The following ARID4A variants were observed in gnomAD, a reference collection of about 807,000 sequenced individuals.
ARID4A encodes AT-rich interaction domain 4A.
In ARID4A, 39 loss-of-function variants were observed where a neutral mutation model predicts 148.6. The observed-to-expected ratio is 0.26, with a 90% CI of 0.20 to 0.34. ARID4A has a LOEUF of 0.34. Ranked by LOEUF, ARID4A falls within the 10% of genes least tolerant of loss-of-function variation. The pLI is 1.00. For synonymous variants in ARID4A, 475 were observed against 481.2 expected, an observed-to-expected ratio of 0.99 and a Z score of 0.17; for missense variants, 1,265 against 1,449.1, an observed-to-expected ratio of 0.87 and a Z score of 2.06.
At chr14:58,370,873 A>G (rs1472407810) in intron 23 of ARID4A, among the ~76,000 whole-genome samples, 1 of 152,162 alleles carries the variant, frequency 6.6e-6, no homozygotes, top group Non-Finnish European at 1.5e-5. Flanking sequence ...GGCCTCCCAA[A>G]GTGCTGAGAT....
rs760373631 is a variant in ARID4A at position 58,364,731 on chromosome 14, T to A, written c.2642T>A (p.Val881Glu). Reference sequence around the variant, plus strand: ...AATGGAATGGAAATGACAAATACTGTATCTCAAGAAAGGACCAGTGATTGT... The same window carrying A: ...AATGGAATGGAAATGACAAATACTGAATCTCAAGAAAGGACCAGTGATTGT... ...IENGMEMTNT[V>E]SQERTSDCIG... The change falls in exon 20 of 24, where the codon GTA becomes GAA. Residue 881 changes from valine (V) to glutamate (E), a missense_variant. By Grantham distance (121) the Val-to-Glu change is moderately radical. Transcript: ENST00000355431. 5.0e-6 allele frequency: 8 copies of A among 1,613,898 alleles called. No individual in the cohort carries two copies. Among genetic ancestry groups the A allele is most frequent in the Non-Finnish European group, 6.8e-6 (8 of 1,179,938 alleles).
intron 9 of ARID4A, 120 bp from the exon 10 acceptor site, chr14:58,329,408 A>C: frequency 8.7e-6 from 6 of 688,068 alleles, no homozygotes; most frequent in Non-Finnish European, 1.5e-5. Flanking sequence ...TAAGATAAAA[A>C]CATTTTATAG....
chr14:58,362,918 A>G (rs2035196704), intron 19 of ARID4A, among the ~76,000 whole-genome samples: 1 of 152,164 alleles, frequency 6.6e-6, no homozygotes, highest in Non-Finnish European at 1.5e-5. Context: ...TCAAGAAAAA[A>G]GCTATACTGA....
intron 5 of ARID4A, among the ~76,000 whole-genome samples, chr14:58,310,354 C>A (rs1449262938): frequency 6.6e-6 from 1 of 151,974 alleles, no homozygotes; most frequent in Non-Finnish European, 1.5e-5. Flanking sequence ...GGAGACATAC[C>A]ACCTGATTTC....
chr14:58,331,944 T>C (rs535869910), intron 11 of ARID4A, among the ~76,000 whole-genome samples: 1 of 151,964 alleles, frequency 6.6e-6, no homozygotes, highest in East Asian at 1.9e-4. Flanking sequence ...TTAGTCCCTT[T>C]ATTTTTGCTA....
chr14:58,316,419 A>G (rs368209808), intron 5 of ARID4A, among the ~76,000 whole-genome samples: 3 of 152,202 alleles, frequency 2.0e-5, no homozygotes, highest in Non-Finnish European at 4.4e-5. Context: ...TTAATAAACT[A>G]TAAATGTTGG....
chr14:58,365,467 C>CTTTTTTTTTTTTTTTTTTTTTT (rs71107938), intron 20 of ARID4A, 51 bp from the exon 21 acceptor site: 2 of 349,158 alleles, frequency 5.7e-6, no homozygotes, highest in African/African-American at 3.6e-5. Flanking sequence ...TATACTTGCT[C>CTTTTTTTTTTTTTTTTTTTTTT]TTTTTTTTTT....
rs777132582 is a variant in ARID4A at position 58,347,607 on chromosome 14, A to G, written c.1173-40A>G. ...ATAACATGAATTCAAGTTAGATGCA[A>G]AGACTGTAAGATTTCTTAAATGAAA... On this transcript the variant is annotated intron_variant, in intron 14 of 23. Coordinates refer to ENST00000355431, the MANE Select transcript of ARID4A (RefSeq NM_002892.4). 3.5e-6 allele frequency: 5 copies of G among 1,428,680 alleles called. No individual in the cohort carries two copies. The Admixed American group carries it at 1.2e-4, about 33-fold the overall frequency. The allele number at this position is 1,428,680 out of a possible 1,614,324, so 88.5% of individuals were successfully genotyped here.
intron 3 of ARID4A, among the ~76,000 whole-genome samples, chr14:58,304,109 G>A (rs749931482): frequency 9.9e-5 from 15 of 151,558 alleles, no homozygotes; most frequent in Non-Finnish European, 1.3e-4. Context: ...AGTGTGATTT[G>A]TAGGTTAAAT....
chr14:58,350,536 C>T (rs777876019), intron 15 of ARID4A, among the ~76,000 whole-genome samples: 2 of 152,272 alleles, frequency 1.3e-5, no homozygotes, highest in Admixed American at 1.3e-4. Context: ...AAGAAGTCTG[C>T]TCACTTTTTT....
At chr14:58,358,469 A>C (rs1323140687) in intron 17 of ARID4A, among the ~76,000 whole-genome samples, 1 of 152,154 alleles carries the variant, frequency 6.6e-6, no homozygotes, top group Non-Finnish European at 1.5e-5. Flanking sequence ...CTAGCCCCCC[A>C]AAAATAAAAA....
At chr14:58,337,067 CT>C in intron 11 of ARID4A, among the ~76,000 whole-genome samples, 1 of 150,144 alleles carries the variant, frequency 6.7e-6, no homozygotes, top group South Asian at 2.1e-4. Flanking sequence ...AATTTTTGTG[CT>C]TTTAGTAGGG....
intron 19 of ARID4A, among the ~76,000 whole-genome samples, chr14:58,363,221 G>A (rs1262187034): frequency 6.6e-6 from 1 of 152,140 alleles, no homozygotes; most frequent in East Asian, 1.9e-4. Flanking sequence ...CATGTTTGCA[G>A]TTTTGAACTT....
At position 58,325,915 on chromosome 14, in the gene ARID4A, A is replaced by G. The variant is rs888980699; in HGVS notation, c.582+2298A>G. Among the ~76,000 whole-genome samples, 7 of 152,044 alleles carry G rather than the reference A, an allele frequency of 4.6e-5. No individual in the cohort carries two copies. In the South Asian group the frequency reaches 8.3e-4, roughly 18 times the overall value. ...TCAGATTTATCATTTACCAGGGGAT[A>G]TTGAAAATAAAAAATAAGTAAGACA... On this transcript the variant is annotated intron_variant, in intron 8 of 23. Transcript: ENST00000355431.
chr14:58,330,919 G>C (rs940082145), intron 11 of ARID4A, among the ~76,000 whole-genome samples: 14 of 152,074 alleles, frequency 9.2e-5, no homozygotes, highest in Non-Finnish European at 1.8e-4. Context: ...AAACTGTCTA[G>C]TACATTTTTG....
chr14:58,345,377 C>T (rs1030669310), intron 12 of ARID4A, among the ~76,000 whole-genome samples: 17 of 152,290 alleles, frequency 1.1e-4, no homozygotes, highest in South Asian at 2.1e-4. Flanking sequence ...TGTTAATCTG[C>T]ATACCCACTA....
intron 11 of ARID4A, among the ~76,000 whole-genome samples, chr14:58,334,562 C>T (rs1484466544): frequency 6.6e-6 from 1 of 152,140 alleles, no homozygotes; most frequent in South Asian, 2.1e-4. Flanking sequence ...GTAAGCAAAT[C>T]ATTATTTCCT....
intron 7 of ARID4A, among the ~76,000 whole-genome samples, chr14:58,319,036 C>G (rs958998705): frequency 6.6e-6 from 1 of 151,942 alleles, no homozygotes; most frequent in Non-Finnish European, 1.5e-5. Context: ...GTTACTTTGC[C>G]GAAGTTTTTT....
At chr14:58,328,636 C>A (rs925400759) in intron 9 of ARID4A, among the ~76,000 whole-genome samples, 1 of 151,900 alleles carries the variant, frequency 6.6e-6, no homozygotes. Context: ...TTATTATTAA[C>A]TCCGAAGCTT....
Sources: allele counts gnomAD v4.1 joint callset (sites outside exome capture counted in the v4.1 genomes callset), GRCh38; gene constraint gnomAD v4.1.1; transcripts MANE v1.5; gene names NCBI Gene and HGNC (gene_info 2026-07-23, HGNC 2026-07-21).